The following ACOT7 variants were observed in gnomAD, a reference collection of about 807,000 sequenced individuals.
The protein encoded by ACOT7 is cytosolic acyl coenzyme A thioester hydrolase.
A neutral mutation model predicts 40.2 loss-of-function variants in ACOT7; 12 were observed. The ratio of observed to expected loss-of-function variants is 0.30; its 90% CI spans 0.19 to 0.48. ACOT7 has a LOEUF of 0.48. Among genes scored for constraint, ACOT7 ranks in the 20% least tolerant of loss-of-function variants. ACOT7 has a pLI of 0.99. For missense variants in ACOT7, 395 were observed against 530.8 expected (o/e 0.74, Z 2.51); for synonymous variants, 228 against 219.5 (o/e 1.04, Z -0.34).
intron 6 of ACOT7, among the ~76,000 whole-genome samples, chr1:6,304,393 C>CTT (rs765262733): frequency 0.029 from 3,223 of 111,038 alleles, 92 homozygotes; most frequent in East Asian, 0.098. Flanking sequence ...AAAGTACGTT[C>CTT]TTTTTTTTTT....
intron 8 of ACOT7, 136 bp from the exon 9 acceptor site, chr1:6,264,831 C>G: frequency 2.3e-6 from 2 of 870,948 alleles, no homozygotes; most frequent in Non-Finnish European, 3.4e-6. Context: ...TACCACGCCT[C>G]GGCCCCGCTG....
intron 8 of ACOT7, among the ~76,000 whole-genome samples, chr1:6,272,114 G>A (rs1479638939): frequency 2.6e-5 from 4 of 152,230 alleles, no homozygotes; most frequent in Non-Finnish European, 4.4e-5. Context: ...CAGAAGCCGC[G>A]TGCTCATGGC....
At chr1:6,265,163 C>G (rs1306272233) in intron 8 of ACOT7, among the ~76,000 whole-genome samples, 2 of 152,106 alleles carry the variant, frequency 1.3e-5, no homozygotes, top group Non-Finnish European at 2.9e-5. Context: ...GAAGAGGGAC[C>G]CTGCATTCGC....
intron 1 of ACOT7, among the ~76,000 whole-genome samples, chr1:6,382,633 T>C (rs900045082): frequency 2.0e-5 from 3 of 151,590 alleles, no homozygotes; most frequent in Non-Finnish European, 4.4e-5. Flanking sequence ...CTGGCCAACA[T>C]GGCGAAATCC....
intron 1 of ACOT7, among the ~76,000 whole-genome samples, chr1:6,381,222 T>C (rs1440626267): frequency 6.6e-6 from 1 of 151,906 alleles, no homozygotes; most frequent in Non-Finnish European, 1.5e-5. Context: ...TGGATACTTA[T>C]ATAGATACAC....
intron 7 of ACOT7, among the ~76,000 whole-genome samples, chr1:6,285,370 T>C (rs1413874413): frequency 6.6e-6 from 1 of 152,150 alleles, no homozygotes; most frequent in African/African-American, 2.4e-5. Context: ...TCAGTGCCAC[T>C]CCTGGAAGCA....
At chr1:6,370,017 G>A (rs939334730) in intron 1 of ACOT7, among the ~76,000 whole-genome samples, 1 of 152,200 alleles carries the variant, frequency 6.6e-6, no homozygotes, top group Admixed American at 6.5e-5. Context: ...CAATGTTGGA[G>A]GCAGGACCTA....
At chr1:6,393,185 C>T in intron 1 of ACOT7, 72 bp downstream of exon 1, 2 of 1,210,392 alleles carry the variant, frequency 1.7e-6, no homozygotes, top group Non-Finnish European at 2.1e-6. Context: ...GACCACAGAG[C>T]CAAGCGGGGC....
chr1:6,303,801 G>A (rs1050280089), intron 6 of ACOT7, among the ~76,000 whole-genome samples: 1 of 152,178 alleles, frequency 6.6e-6, no homozygotes, highest in Middle Eastern at 3.2e-3. Flanking sequence ...ATGGACAGAG[G>A]AATATTCACT....
rs527967672 is a variant in ACOT7 at position 6,359,262 on chromosome 1, G to A, written c.144-9396C>T. ...CAAAGCCAGGTCTGGCCCCACTGCC[G>A]CCTTCTAGAGCTCCCTGAAATGTAG... On this transcript the variant is annotated intron_variant, in intron 1 of 8. Coordinates refer to ENST00000361521, the MANE Select transcript of ACOT7 (RefSeq NM_007274.4). This position sits in a 1 kb window ranked among gnomAD's most constrained non-coding sequence, Gnocchi z 4.1. 30 of 166,814 alleles carry A rather than the reference G, an allele frequency of 1.8e-4. No individual in the cohort carries two copies. Among genetic ancestry groups the A allele is most frequent in the South Asian group, 1.7e-3 (11 of 6,642 alleles). 10.3% of individuals were successfully genotyped at this position (166,814 alleles called of 1,614,324 possible). A position where few individuals can be genotyped will look rare whatever the true frequency, so the allele number is the denominator to read the frequency against.
intron 6 of ACOT7, among the ~76,000 whole-genome samples, chr1:6,298,137 C>A (rs1305292743): frequency 6.6e-6 from 1 of 152,106 alleles, no homozygotes; most frequent in Non-Finnish European, 1.5e-5. Flanking sequence ...GCATCCCCGT[C>A]TTTCTTTTTC....
At chr1:6,372,693 C>A (rs1434461424) in intron 1 of ACOT7, among the ~76,000 whole-genome samples, 2 of 151,868 alleles carry the variant, frequency 1.3e-5, no homozygotes, top group African/African-American at 4.8e-5. Flanking sequence ...AGACTACAGG[C>A]GTATGTCAAC....
chr1:6,294,783 G>A lies in ACOT7; in HGVS notation c.829+81C>T, dbSNP rs1639765601. 5 of 1,121,638 alleles carry A rather than the reference G, an allele frequency of 4.5e-6. No homozygotes were observed. The highest frequency in any genetic ancestry group is 2.4e-5 in the East Asian group (1 of 42,156). The allele number at this position is 1,121,638 out of a possible 1,614,324, so 69.5% of individuals were successfully genotyped here. On this transcript the variant is annotated intron_variant, in intron 7 of 8. Coordinates refer to ENST00000361521, the MANE Select transcript of ACOT7 (RefSeq NM_007274.4). This position sits in a 1 kb window ranked among gnomAD's most constrained non-coding sequence, Gnocchi z 4.6. Reference sequence around the variant, plus strand: ...CACCAAGGCCCACATGACCCTGGGTGTGAACAGAAAACAAACTGGTGCAGG... The same window carrying A: ...CACCAAGGCCCACATGACCCTGGGTATGAACAGAAAACAAACTGGTGCAGG...
At chr1:6,335,097 G>A (rs61497954) in intron 3 of ACOT7, among the ~76,000 whole-genome samples, 9,042 of 152,122 alleles carry the variant, frequency 0.059, 774 homozygotes, top group African/African-American at 0.19. Context: ...TTGGGAGGCC[G>A]AGGCAGGCGG....
At chr1:6,372,207 C>G (rs1317626674) in intron 1 of ACOT7, among the ~76,000 whole-genome samples, 1 of 152,216 alleles carries the variant, frequency 6.6e-6, no homozygotes, top group Non-Finnish European at 1.5e-5. Flanking sequence ...GAACCAACCT[C>G]TGTTAGCTTC....
intron 6 of ACOT7, among the ~76,000 whole-genome samples, chr1:6,305,106 C>T (rs1247173276): frequency 7.6e-6 from 1 of 132,046 alleles, no homozygotes; most frequent in East Asian, 2.4e-4. Flanking sequence ...GATGGGGCGG[C>T]TGGCCGGGCA....
chr1:6,372,108 G>A (rs1241526741), intron 1 of ACOT7, among the ~76,000 whole-genome samples: 9 of 151,290 alleles, frequency 5.9e-5, no homozygotes, highest in South Asian at 4.2e-4. Flanking sequence ...AGCCAGATTC[G>A]GATAACCTGC....
At chr1:6,371,759 C>G (rs997302828) in intron 1 of ACOT7, among the ~76,000 whole-genome samples, 11 of 152,042 alleles carry the variant, frequency 7.2e-5, no homozygotes, top group Non-Finnish European at 1.0e-4. Context: ...ACACTGAAAA[C>G]CTAGGCAGGG....
chr1:6,303,347 T>C (rs1337235945), intron 6 of ACOT7, among the ~76,000 whole-genome samples: 3 of 152,244 alleles, frequency 2.0e-5, no homozygotes, highest in Non-Finnish European at 4.4e-5. Context: ...AAGACTTTCT[T>C]GGCCACTAAT....
Sources: allele counts gnomAD v4.1 joint callset (sites outside exome capture counted in the v4.1 genomes callset), GRCh38; gene constraint gnomAD v4.1.1; non-coding constraint Gnocchi (gnomAD v3.1); transcripts MANE v1.5; gene names NCBI Gene and HGNC (gene_info 2026-07-23, HGNC 2026-07-21).